The following WDR27 variants were observed in gnomAD, a reference collection of about 807,000 sequenced individuals.
WDR27 encodes the protein WD repeat-containing protein 27.
A neutral mutation model predicts 114.4 loss-of-function variants in WDR27; 100 were observed. The observed-to-expected ratio is 0.87, with a 90% confidence interval of 0.74 to 1.03. The LOEUF (loss-of-function observed/expected upper bound fraction) is 1.03. Among genes scored for constraint, WDR27 ranks in the 50% least tolerant of loss-of-function variants. The pLI is 0.00. For missense variants in WDR27, 1,129 were observed against 1,092.9 expected (o/e 1.03, Z -0.47); for synonymous variants, 449 against 423.1 (o/e 1.06, Z -0.75).
intron 19 of WDR27, among the ~76,000 whole-genome samples, chr6:169,635,914 A>G (rs562159498): frequency 6.6e-6 from 1 of 152,344 alleles, no homozygotes; most frequent in East Asian, 1.9e-4. Flanking sequence ...ATAGGTTCCT[A>G]ATTCCCTCTG....
At chr6:169,620,371 C>T (rs1464296294) in intron 21 of WDR27, among the ~76,000 whole-genome samples, 2 of 152,188 alleles carry the variant, frequency 1.3e-5, no homozygotes, top group African/African-American at 2.4e-5. Context: ...AAGGAAATTC[C>T]TTGTGGACAA....
the WDR27 span, among the ~76,000 whole-genome samples, chr6:169,427,343 G>A: frequency 6.6e-6 from 1 of 152,170 alleles, no homozygotes; most frequent in Non-Finnish European, 1.5e-5. Flanking sequence ...CTGAGAGACA[G>A]GGAGGACCCA....
chr6:169,586,314 G>T (rs546639957), intron 23 of WDR27, among the ~76,000 whole-genome samples: 12 of 152,180 alleles, frequency 7.9e-5, no homozygotes, highest in Non-Finnish European at 1.8e-4. Context: ...TTGATGGCCC[G>T]CATGGCTTTT....
intron 7 of WDR27, 136 bp downstream of exon 7, chr6:169,665,350 C>G: frequency 7.0e-7 from 1 of 1,426,152 alleles, no homozygotes; most frequent in Non-Finnish European, 9.2e-7. Flanking sequence ...CAGAAGGTCA[C>G]GTTCTCAGCA....
intron 25 of WDR27, among the ~76,000 whole-genome samples, chr6:169,485,971 G>A (rs991825001): frequency 3.9e-5 from 6 of 152,140 alleles, no homozygotes; most frequent in African/African-American, 1.4e-4. Flanking sequence ...GACACATGGA[G>A]GGAAACAAGA....
intron 25 of WDR27, among the ~76,000 whole-genome samples, chr6:169,464,508 C>T (rs949198888): frequency 5.3e-5 from 8 of 152,030 alleles, no homozygotes; most frequent in African/African-American, 1.9e-4. Flanking sequence ...AAGGCCCAGG[C>T]AATCAGAGAA....
At chr6:169,551,411 G>T (rs1363872539) in intron 25 of WDR27, among the ~76,000 whole-genome samples, 1 of 152,112 alleles carries the variant, frequency 6.6e-6, no homozygotes, top group Non-Finnish European at 1.5e-5. Flanking sequence ...TTGGTCTCCT[G>T]TGTCCAACCT....
intron 21 of WDR27, among the ~76,000 whole-genome samples, chr6:169,617,902 G>A (rs1443393171): frequency 6.6e-6 from 1 of 152,102 alleles, no homozygotes; most frequent in East Asian, 1.9e-4. Flanking sequence ...CCTGCTCTTC[G>A]TTAGAAAAGA....
At chr6:169,521,614 G>A (rs1487053663) in intron 25 of WDR27, among the ~76,000 whole-genome samples, 2 of 151,950 alleles carry the variant, frequency 1.3e-5, no homozygotes, top group Non-Finnish European at 2.9e-5. Flanking sequence ...TAAGAAACAG[G>A]TAACGTAAAA....
intron 1 of WDR27, among the ~76,000 whole-genome samples, chr6:169,697,291 A>G (rs1444003058): frequency 5.9e-5 from 9 of 152,178 alleles, no homozygotes. Context: ...TGTTATGCCC[A>G]GACAGGACCA....
intron 25 of WDR27, among the ~76,000 whole-genome samples, chr6:169,526,719 A>G (rs1432215448): frequency 2.0e-5 from 3 of 152,224 alleles, no homozygotes; most frequent in East Asian, 1.9e-4. Context: ...AAAAATCCAC[A>G]GAATGAAAGA....
At position 169,619,383 on chromosome 6, in the gene WDR27, A is replaced by G. The variant is rs1812610679; in HGVS notation, c.2224-5727T>C. On this transcript the variant is annotated intron_variant, in intron 21 of 25. Coordinates refer to ENST00000448612, the MANE Select transcript of WDR27 (RefSeq NM_182552.5). ...ATCCTATGCGCCTCTTGTCGACAGAAAGAGTAAAACTCTGTAAAATATTGG... is the reference window on the plus strand; with the variant it reads ...ATCCTATGCGCCTCTTGTCGACAGAGAGAGTAAAACTCTGTAAAATATTGG... 2.6e-5 allele frequency among the ~76,000 whole-genome samples: 4 copies of G among 152,042 alleles called. No homozygotes were observed. In the South Asian group the frequency reaches 8.4e-4, roughly 32 times the overall value.
At chr6:169,563,572 G>A (rs1435295799) in intron 25 of WDR27, among the ~76,000 whole-genome samples, 1 of 152,232 alleles carries the variant, frequency 6.6e-6, no homozygotes, top group Non-Finnish European at 1.5e-5. Flanking sequence ...TGTGAAGGAG[G>A]CTGCGTGGAA....
chr6:169,651,951 G>A lies in WDR27; in HGVS notation c.1460C>T (p.Ser487Phe). The A allele has an allele frequency of 1.2e-6, 2 of 1,613,856 alleles. No homozygotes were observed. The highest frequency in any genetic ancestry group is 1.7e-6 in the Non-Finnish European group (2 of 1,179,852). ...TCACTGTGGTGCTGACGCATAACCA[G>A]ATGACCTAACTTTACTATGGAAAAC... ...RLVFHSKVRS[S>F]GYASAPHVTM... Residue 487 changes from serine to phenylalanine, a missense_variant, in exon 14 of 26, where the codon TCT (serine) becomes TTT (phenylalanine). By Grantham distance (155) the Ser-to-Phe change is radical. Transcript: ENST00000448612.
Position 169,614,095 on chromosome 6 carries a change from G to T in WDR27, c.2224-439C>A, listed in dbSNP as rs547197522. Among the ~76,000 whole-genome samples, 7 of 152,246 alleles carry T rather than the reference G, an allele frequency of 4.6e-5. No homozygotes were observed. In the East Asian group the frequency reaches 1.4e-3, roughly 30 times the overall value. ...CAGCAGGCTCCTGCGATGACTATGTGGGTGAACTCCCACGGGGCCTCGAGT... is the reference window on the plus strand; with the variant it reads ...CAGCAGGCTCCTGCGATGACTATGTTGGTGAACTCCCACGGGGCCTCGAGT... On this transcript the variant is annotated intron_variant, in intron 21 of 25. Coordinates refer to ENST00000448612, the MANE Select transcript of WDR27 (RefSeq NM_182552.5).
chr6:169,513,038 C>T (rs1250144299), intron 25 of WDR27, among the ~76,000 whole-genome samples: 1 of 152,120 alleles, frequency 6.6e-6, no homozygotes, highest in African/African-American at 2.4e-5. Context: ...ATTGTTGCAC[C>T]ATAAACTACT....
At chr6:169,426,545 A>G in the WDR27 span, 2 of 150,998 alleles carry the variant, frequency 1.3e-5, no homozygotes, top group Non-Finnish European at 2.9e-5. Flanking sequence ...ATTAAAAGAA[A>G]AAAGCTGGAA....
rs1199290584 is a variant in WDR27, at chr6:169,493,461, ACTGT to A, written c.2646-35831_2646-35828del. On this transcript the variant is annotated intron_variant, in intron 25 of 25. Coordinates refer to ENST00000448612, the MANE Select transcript of WDR27 (RefSeq NM_182552.5). ...TACTGTCTCACTGACAGCTCAATCA[ACTGT>A]CTAACAGAAGTATCAAACTTAAGAT... Among the ~76,000 whole-genome samples the A allele has an allele frequency of 3.9e-5, 6 of 152,202 alleles. No homozygotes were observed. In the East Asian group the frequency reaches 7.7e-4, roughly 20 times the overall value.
intron 1 of WDR27, among the ~76,000 whole-genome samples, chr6:169,691,876 T>A (rs181212774): frequency 6.6e-6 from 1 of 152,294 alleles, no homozygotes; most frequent in African/African-American, 2.4e-5. Context: ...CTAATGTGCA[T>A]CTCCCACTAG....
Sources: gnomAD v4.1 joint callset for allele counts (sites outside exome capture counted in the v4.1 genomes callset) on GRCh38, gnomAD v4.1.1 for gene constraint, MANE v1.5 for transcripts, NCBI Gene and HGNC (gene_info 2026-07-23, HGNC 2026-07-21) for gene names.